The following ARMC3 variants were observed in gnomAD, a reference collection of about 807,000 sequenced individuals.
The protein encoded by ARMC3 is armadillo repeat containing 3, also known as armadillo repeat-containing protein 3.
Under a neutral mutation model 90.3 loss-of-function variants are expected in ARMC3, and 74 were observed. The ratio of observed to expected loss-of-function variants is 0.82; its 90% CI spans 0.68 to 0.99. ARMC3 has a LOEUF of 0.99. Among genes scored for constraint, ARMC3 ranks in the 50% least tolerant of loss-of-function variants. The probability of loss-of-function intolerance (pLI) is 0.00; values close to 1 mark genes in which losing one functional copy is unlikely to be tolerated. For missense variants in ARMC3, 958 were observed against 1,042.8 expected (o/e 0.92, Z 1.12); for synonymous variants, 334 against 361.8 (o/e 0.92, Z 0.87).
At position 23,003,396 on chromosome 10, in the gene ARMC3, A is replaced by G; in HGVS notation, c.1713A>G (p.Gly571=). The change falls in exon 13 of 19, where the codon GGA becomes GGG. Residue 571 remains glycine (G), a synonymous_variant. Transcript: ENST00000298032. ...YLSSSNIIND[G]FYDYGRINPG... is the part of the protein sequence containing the mutation. Reference sequence around the variant, plus strand: ...CATCAAGTAACATAATTAACGATGGATTCTATGATTATGGTCGGGTAAGTG... The same window carrying G: ...CATCAAGTAACATAATTAACGATGGGTTCTATGATTATGGTCGGGTAAGTG... The G allele has an allele frequency of 6.2e-7, 1 of 1,607,070 alleles. No individual in the cohort carries two copies. Among genetic ancestry groups the G allele is most frequent in the Non-Finnish European group, 8.5e-7 (1 of 1,176,974 alleles).
At chr10:23,010,984 C>T (rs1472048040) in intron 16 of ARMC3, among the ~76,000 whole-genome samples, 1 of 106,104 alleles carries the variant, frequency 9.4e-6, no homozygotes, top group Non-Finnish European at 1.9e-5. Context: ...TCTCTCCTTC[C>T]CTTTTCTCCT....
intron 10 of ARMC3, among the ~76,000 whole-genome samples, chr10:22,997,899 A>T (rs1251804472): frequency 6.6e-6 from 1 of 152,158 alleles, no homozygotes; most frequent in Admixed American, 6.5e-5. Context: ...AAAAGTAGTA[A>T]TGATATATTT....
Position 22,968,477 on chromosome 10 carries a change from G to A in ARMC3, c.904G>A (p.Ala302Thr). The A allele has an allele frequency of 6.3e-7, 1 of 1,591,418 alleles. No homozygotes were observed. The highest frequency in any genetic ancestry group is 8.5e-7 in the Non-Finnish European group (1 of 1,172,418). ...GAATGCAGCAAAAGCCATTACTAAA[G>A]CAGCTTATGATCGTATGTCTCATTT... is the stretch of plus-strand genomic sequence containing the variant. ...QKNAAKAITKAAYDPENRKLF... is the reference protein window; with the variant it reads ...QKNAAKAITKTAYDPENRKLF... The change falls in exon 8 of 19, where the codon GCA becomes ACA. Residue 302 changes from alanine to threonine, a missense_variant. Ala to Thr is a moderately conservative substitution (Grantham distance 58). Coordinates refer to ENST00000298032, the MANE Select transcript of ARMC3 (RefSeq NM_173081.5).
At chr10:22,984,135 A>T (rs1836306124) in intron 10 of ARMC3, among the ~76,000 whole-genome samples, 2 of 152,328 alleles carry the variant, frequency 1.3e-5, no homozygotes, top group Admixed American at 1.3e-4. Context: ...CCTAATTTTT[A>T]AAAATGCACA....
chr10:22,965,649 C>A (rs1303906521), intron 7 of ARMC3, among the ~76,000 whole-genome samples: 1 of 152,148 alleles, frequency 6.6e-6, no homozygotes, highest in Non-Finnish European at 1.5e-5. Flanking sequence ...CCTCCGGAAC[C>A]CAATTACATA....
intron 16 of ARMC3, among the ~76,000 whole-genome samples, chr10:23,009,171 G>C (rs1475038262): frequency 6.6e-6 from 1 of 152,206 alleles, no homozygotes; most frequent in Non-Finnish European, 1.5e-5. Flanking sequence ...GGAACAACAG[G>C]GTCCTACAGT....
intron 8 of ARMC3, among the ~76,000 whole-genome samples, chr10:22,978,503 C>A (rs937065324): frequency 6.6e-6 from 1 of 152,160 alleles, no homozygotes; most frequent in Admixed American, 6.6e-5. Context: ...AACTGCAATT[C>A]AAGATGAGAT....
At chr10:23,032,763 A>G in intron 17 of ARMC3, 98 bp from the exon 18 acceptor site, 1 of 1,245,942 alleles carries the variant, frequency 8.0e-7, no homozygotes, top group Non-Finnish European at 1.1e-6. Context: ...ATCACAGCAA[A>G]TGTCATTTTT....
chr10:22,990,045 A>G (rs1312436211), intron 10 of ARMC3, among the ~76,000 whole-genome samples: 2 of 152,202 alleles, frequency 1.3e-5, no homozygotes, highest in Admixed American at 6.5e-5. Flanking sequence ...TGCTACTTTT[A>G]TTACCTACAG....
chr10:22,993,143 G>T (rs71491940), intron 10 of ARMC3, among the ~76,000 whole-genome samples: 3,019 of 152,220 alleles, frequency 0.02, 36 homozygotes, highest in Non-Finnish European at 0.032. Flanking sequence ...TCTGCCCAAG[G>T]TCACCCTTGA....
At chr10:22,992,343 C>G (rs1764642735) in intron 10 of ARMC3, among the ~76,000 whole-genome samples, 1 of 152,096 alleles carries the variant, frequency 6.6e-6, no homozygotes. Flanking sequence ...AAAGAGAATT[C>G]TGAAAGTCTC....
intron 13 of ARMC3, among the ~76,000 whole-genome samples, chr10:23,005,211 CAA>C (rs35706584): frequency 0.03 from 1,816 of 60,862 alleles, 18 homozygotes; most frequent in African/African-American, 0.09. Context: ...AGACTCGTCT[CAA>C]AAAAAAAAAA....
rs916129043 is a variant in ARMC3 at position 23,006,969 on chromosome 10, G to A, written c.1817G>A (p.Ser606Asn). Residue 606 changes from serine (S) to asparagine (N), a missense_variant, in exon 14 of 19, where the codon AGT becomes AAT. Coordinates refer to ENST00000298032, the MANE Select transcript of ARMC3 (RefSeq NM_173081.5). ...CTACGGGCTGTACTCTTAATCAACA[G>A]TAAATCTTACGTGTGAGTCTCTGCA... ...SDLRAVLLINSKSYVSPPSSM... is the reference protein window; with the variant it reads ...SDLRAVLLINNKSYVSPPSSM... 1 of 1,608,876 alleles carries A rather than the reference G, an allele frequency of 6.2e-7. No homozygotes were observed. Among genetic ancestry groups the A allele is most frequent in the Non-Finnish European group, 8.5e-7 (1 of 1,177,706 alleles).
intron 10 of ARMC3, among the ~76,000 whole-genome samples, chr10:22,992,913 G>A (rs1417191525): frequency 6.6e-6 from 1 of 152,222 alleles, no homozygotes; most frequent in Non-Finnish European, 1.5e-5. Flanking sequence ...CCAGCTCTGA[G>A]TTGCTGCTGC....
intron 16 of ARMC3, among the ~76,000 whole-genome samples, chr10:23,011,412 C>T (rs565128761): frequency 7.2e-5 from 11 of 152,306 alleles, no homozygotes; most frequent in South Asian, 6.2e-4. Flanking sequence ...TAAGTCACTA[C>T]GTGTGAAATG....
intron 16 of ARMC3, among the ~76,000 whole-genome samples, chr10:23,021,619 C>A (rs896465149): frequency 3.3e-5 from 5 of 152,098 alleles, no homozygotes; most frequent in Non-Finnish European, 7.4e-5. Flanking sequence ...TGTATGTCTT[C>A]TTTTAAGAAG....
intron 10 of ARMC3, among the ~76,000 whole-genome samples, chr10:22,994,831 C>T (rs995545699): frequency 8.5e-5 from 13 of 152,270 alleles, no homozygotes; most frequent in Admixed American, 2.6e-4. Flanking sequence ...AATAGATTGA[C>T]GTCACATGAC....
At chr10:23,014,960 C>A (rs1838211204) in intron 16 of ARMC3, among the ~76,000 whole-genome samples, 1 of 141,456 alleles carries the variant, frequency 7.1e-6, no homozygotes, top group African/African-American at 2.6e-5. Context: ...TACCCCTGAA[C>A]TTAAAATAAA....
intron 10 of ARMC3, among the ~76,000 whole-genome samples, chr10:22,991,511 T>C (rs1836707539): frequency 6.6e-6 from 1 of 152,150 alleles, no homozygotes; most frequent in Admixed American, 6.5e-5. Context: ...GGGTATCCTT[T>C]ACCTGCTGGG....
Sources: gnomAD v4.1 joint callset for allele counts (sites outside exome capture counted in the v4.1 genomes callset) on GRCh38, gnomAD v4.1.1 for gene constraint, MANE v1.5 for transcripts, NCBI Gene and HGNC (gene_info 2026-07-23, HGNC 2026-07-21) for gene names.